PYY: variants seen among roughly 807,000 people sequenced by gnomAD.
PYY encodes the protein peptide tyrosine tyrosine.
PYY carries 12 observed loss-of-function variants against 10.3 expected under a neutral mutation model. That is an observed-to-expected ratio of 1.17 (90% CI 0.75 to 1.89). The LOEUF (loss-of-function observed/expected upper bound fraction) is 1.89. PYY is among the 40% of genes most tolerant of loss of function. The probability of loss-of-function intolerance (pLI) is 0.00; values close to 1 mark genes in which losing one functional copy is unlikely to be tolerated. For missense variants in PYY, 141 were observed against 134.0 expected, an observed-to-expected ratio of 1.05 and a Z score of -0.26; for synonymous variants, 66 against 62.0, an observed-to-expected ratio of 1.06 and a Z score of -0.30.
At chr17:43,985,994 C>T (rs1331862656) in intron 1 of PYY, among the ~76,000 whole-genome samples, 3 of 152,150 alleles carry the variant, frequency 2.0e-5, no homozygotes, top group African/African-American at 2.4e-5. Context: ...CGGTGGCTCA[C>T]GCCTGTAATC....
intron 2 of PYY, among the ~76,000 whole-genome samples, chr17:43,965,726 T>C (rs2048750195): frequency 7.2e-6 from 1 of 138,386 alleles, no homozygotes; most frequent in Non-Finnish European, 1.5e-5. Context: ...AGGCGGAGGT[T>C]TCAGTGAGCC....
rs550324026 is a variant in PYY, at chr17:43,974,398, G to C, written c.-462-7866C>G. 2.4e-3 allele frequency among the ~76,000 whole-genome samples: 366 copies of C among 152,042 alleles called. 1 individual carries two copies. The highest frequency in any genetic ancestry group is 8.5e-3 in the African/African-American group (354 of 41,468). ...GAACACGCAGGCACCTTTGGAGGGA[G>C]GTGTCCCATGGTTGCTCAAAGCCCC... On this transcript the variant is annotated intron_variant, in intron 1 of 6. Transcript: ENST00000360085.
chr17:43,957,176 C>G (rs1054607884), upstream of PYY, among the ~76,000 whole-genome samples: 1 of 137,576 alleles, frequency 7.3e-6, no homozygotes, highest in East Asian at 2.1e-4. Flanking sequence ...CCAGCCTGAG[C>G]GACAGAGTGA....
At chr17:43,992,778 C>T (rs558300901) in intron 1 of PYY, among the ~76,000 whole-genome samples, 4 of 152,168 alleles carry the variant, frequency 2.6e-5, no homozygotes, top group South Asian at 2.1e-4. Context: ...CCCATCTATT[C>T]GGGAGGCTGA....
At chr17:43,965,552 G>T (rs1597846845) in intron 2 of PYY, among the ~76,000 whole-genome samples, 1 of 146,678 alleles carries the variant, frequency 6.8e-6, no homozygotes. Flanking sequence ...CACTTTGGGA[G>T]GCCAAGGCAG....
chr17:43,962,369 A>G lies in PYY; in HGVS notation c.-218+3919T>C, dbSNP rs530142408. Among the ~76,000 whole-genome samples the G allele has an allele frequency of 1.5e-4, 23 of 152,302 alleles. No individual in the cohort carries two copies. The South Asian group carries it at 4.6e-3, about 30-fold the overall frequency. On this transcript the variant is annotated intron_variant, in intron 2 of 6. Transcript: ENST00000360085. The stretch of plus-strand genomic sequence containing the variant: ...AAATTGTATATACTTAAAGTGTACA[A>G]TGTGATGATTTGATATATGTATACA...
chr17:43,954,241 C>T (rs912957413), upstream of PYY, among the ~76,000 whole-genome samples: 5 of 152,304 alleles, frequency 3.3e-5, no homozygotes, highest in Admixed American at 2.0e-4. Context: ...TGGATCTAGA[C>T]TCCTGGGGCA....
chr17:43,969,861 G>C (rs939830779), intron 1 of PYY, among the ~76,000 whole-genome samples: 4 of 151,570 alleles, frequency 2.6e-5, no homozygotes, highest in Non-Finnish European at 5.9e-5. Flanking sequence ...CTCTGCCTCA[G>C]CCTCCCGAGT....
chr17:44,001,361 C>A (rs2049025438), intron 1 of PYY, among the ~76,000 whole-genome samples: 1 of 152,134 alleles, frequency 6.6e-6, no homozygotes, highest in Non-Finnish European at 1.5e-5. Flanking sequence ...GGCACAATGA[C>A]AACAGGCTCT....
At chr17:43,989,297 C>G (rs1284295753) in intron 1 of PYY, among the ~76,000 whole-genome samples, 1 of 151,968 alleles carries the variant, frequency 6.6e-6, no homozygotes, top group Non-Finnish European at 1.5e-5. Flanking sequence ...TGGTGTGAAC[C>G]CAGGAGGCAG....
chr17:43,967,716 C>T (rs957351732), intron 1 of PYY, among the ~76,000 whole-genome samples: 4 of 152,162 alleles, frequency 2.6e-5, no homozygotes, highest in South Asian at 2.1e-4. Flanking sequence ...TGGACAGACA[C>T]GCACGGGGCA....
chr17:43,997,807 T>G (rs2049000900), intron 1 of PYY, among the ~76,000 whole-genome samples: 1 of 152,136 alleles, frequency 6.6e-6, no homozygotes, highest in African/African-American at 2.4e-5. Context: ...AAGCTATTTC[T>G]TCAACTCAGG....
upstream of PYY, among the ~76,000 whole-genome samples, chr17:43,957,612 G>A (rs934960727): frequency 1.3e-5 from 2 of 152,170 alleles, no homozygotes; most frequent in African/African-American, 2.4e-5. Context: ...AGCCGAGATG[G>A]TGCCACTGCA....
chr17:43,965,142 CT>C (rs78378577), intron 2 of PYY, among the ~76,000 whole-genome samples: 18,619 of 151,448 alleles, frequency 0.12, 2,270 homozygotes, highest in East Asian at 0.68. Context: ...TTTCTTTTCT[CT>C]TTTTTTTTCT....
intron 1 of PYY, among the ~76,000 whole-genome samples, chr17:43,990,238 G>C (rs956766626): frequency 5.3e-5 from 8 of 151,744 alleles, no homozygotes; most frequent in Non-Finnish European, 7.4e-5. Flanking sequence ...AGGAGTTCGA[G>C]ACCAGCCTGG....
chr17:43,966,497 C>T (rs977942609), exon 2 of PYY: 1 of 152,276 alleles, frequency 6.6e-6, no homozygotes, highest in African/African-American at 2.4e-5. Flanking sequence ...AGGGGAATTC[C>T]TCATAAAGGG....
chr17:43,988,615 T>C (rs1003507805), intron 1 of PYY, among the ~76,000 whole-genome samples: 1 of 152,174 alleles, frequency 6.6e-6, no homozygotes, highest in Non-Finnish European at 1.5e-5. Flanking sequence ...CCATGGACCA[T>C]GGGCACCTTG....
At chr17:43,982,366 C>T (rs1490314694) in intron 1 of PYY, among the ~76,000 whole-genome samples, 2 of 152,220 alleles carry the variant, frequency 1.3e-5, no homozygotes, top group African/African-American at 4.8e-5. Flanking sequence ...TCATGCATGG[C>T]CCTGAATGCC....
intron 1 of PYY, among the ~76,000 whole-genome samples, chr17:43,993,392 G>A (rs1016878512): frequency 4.6e-5 from 7 of 151,300 alleles, no homozygotes; most frequent in African/African-American, 1.7e-4. Context: ...CCGCGAGGCA[G>A]AGCCTGCAGT....
Sources: allele counts gnomAD v4.1 joint callset (sites outside exome capture counted in the v4.1 genomes callset), GRCh38; gene constraint gnomAD v4.1.1; transcripts MANE v1.5; gene names NCBI Gene and HGNC (gene_info 2026-07-23, HGNC 2026-07-21).